The following CTNNA2 variants were observed in gnomAD, a reference collection of about 807,000 sequenced individuals.
CTNNA2 encodes the protein catenin alpha 2, also known as catenin alpha-2.
CTNNA2 carries 42 observed loss-of-function variants against 101.0 expected under a neutral mutation model. The ratio of observed to expected loss-of-function variants is 0.42; its 90% CI spans 0.32 to 0.54. CTNNA2 has a LOEUF of 0.54. CTNNA2 is among the 20% of genes least tolerant of loss of function. The probability of loss-of-function intolerance (pLI) is 0.14; values close to 1 mark genes in which losing one functional copy is unlikely to be tolerated. For synonymous variants in CTNNA2, 450 were observed against 456.4 expected (o/e 0.99, Z 0.18); for missense variants, 871 against 1,223.1 (o/e 0.71, Z 4.29).
chr2:80,155,191 T>C lies in CTNNA2; in HGVS notation c.1057-238020T>C, dbSNP rs531766510. ...TGTGATTAGAAAAGAAACAATCTCT[T>C]GGACCCCTATAATGGTCTTAAGAAA... On this transcript the variant is annotated intron_variant, in intron 7 of 18. Coordinates refer to ENST00000402739, the MANE Select transcript of CTNNA2 (RefSeq NM_001282597.3). Among the ~76,000 whole-genome samples, 4 of 152,328 alleles carry C rather than the reference T, an allele frequency of 2.6e-5. No individual in the cohort carries two copies. The South Asian group carries it at 8.3e-4, about 32-fold the overall frequency.
intron 3 of CTNNA2, among the ~76,000 whole-genome samples, chr2:79,819,766 C>G (rs1677859821): frequency 6.6e-6 from 1 of 151,834 alleles, no homozygotes; most frequent in South Asian, 2.1e-4. Flanking sequence ...ATTGATTGTA[C>G]ATATTGTATA....
At chr2:79,555,879 C>CA (rs1320463957) in intron 1 of CTNNA2, among the ~76,000 whole-genome samples, 5 of 152,012 alleles carry the variant, frequency 3.3e-5, no homozygotes, top group African/African-American at 1.2e-4. Flanking sequence ...TTGTTGTTGA[C>CA]AGTTTTGAGG....
At chr2:79,222,177 C>T (rs1674353207) in intron 2 of CTNNA2, among the ~76,000 whole-genome samples, 2 of 152,168 alleles carry the variant, frequency 1.3e-5, no homozygotes, top group African/African-American at 4.8e-5. Context: ...AACACAAATG[C>T]CTCGAGACAC....
At chr2:79,764,486 G>A (rs901691626) in intron 3 of CTNNA2, among the ~76,000 whole-genome samples, 2 of 152,026 alleles carry the variant, frequency 1.3e-5, no homozygotes, top group African/African-American at 4.8e-5. Context: ...GAAAACTATA[G>A]GCCAAAAAAT....
chr2:80,176,106 A>G (rs1048319067), intron 7 of CTNNA2, among the ~76,000 whole-genome samples: 2 of 152,200 alleles, frequency 1.3e-5, no homozygotes, highest in Non-Finnish European at 2.9e-5. Context: ...CTTTGCATCC[A>G]ATGAAGTTGA....
chr2:80,005,858 C>T (rs1478991262), intron 7 of CTNNA2, among the ~76,000 whole-genome samples: 4 of 151,402 alleles, frequency 2.6e-5, no homozygotes, highest in Non-Finnish European at 5.9e-5. Flanking sequence ...GGTGGAACAT[C>T]TGGAGTGTAA....
chr2:80,261,374 G>C (rs951353208), intron 7 of CTNNA2, among the ~76,000 whole-genome samples: 1 of 151,864 alleles, frequency 6.6e-6, no homozygotes, highest in Non-Finnish European at 1.5e-5. Flanking sequence ...GCTGGCTTAG[G>C]TTGTAGGTTA....
At chr2:80,457,132 C>T (rs1030037890) in intron 9 of CTNNA2, among the ~76,000 whole-genome samples, 1 of 151,766 alleles carries the variant, frequency 6.6e-6, no homozygotes, top group Non-Finnish European at 1.5e-5. Context: ...GCGGTGATCT[C>T]GACTCACTGC....
chr2:80,151,898 C>G (rs1000054459), intron 7 of CTNNA2, among the ~76,000 whole-genome samples: 10 of 152,238 alleles, frequency 6.6e-5, no homozygotes, highest in African/African-American at 2.4e-4. Flanking sequence ...CTGCTGCCAT[C>G]GCCAAAATTA....
At chr2:79,803,452 T>G (rs1676323525) in intron 3 of CTNNA2, among the ~76,000 whole-genome samples, 1 of 152,332 alleles carries the variant, frequency 6.6e-6, no homozygotes, top group South Asian at 2.1e-4. Context: ...TTATGGGAAA[T>G]GAAGGGATGG....
At chr2:80,352,263 TA>T (rs964953988) in intron 7 of CTNNA2, among the ~76,000 whole-genome samples, 2 of 151,920 alleles carry the variant, frequency 1.3e-5, no homozygotes, top group Admixed American at 6.6e-5. Context: ...AATAAAACAA[TA>T]AAAAAAAGTG....
chr2:80,470,729 A>G (rs529389185), intron 9 of CTNNA2, among the ~76,000 whole-genome samples: 1 of 152,306 alleles, frequency 6.6e-6, no homozygotes, highest in East Asian at 1.9e-4. Context: ...AACCTGAGGA[A>G]TAGAGAAAGC....
At chr2:80,169,116 TC>T (rs1208383669) in intron 7 of CTNNA2, among the ~76,000 whole-genome samples, 1 of 152,210 alleles carries the variant, frequency 6.6e-6, no homozygotes, top group Non-Finnish European at 1.5e-5. Context: ...AAACTGACTA[TC>T]CAAATAGCTC....
chr2:80,000,526 A>G (rs1692870658), intron 7 of CTNNA2, among the ~76,000 whole-genome samples: 2 of 152,150 alleles, frequency 1.3e-5, no homozygotes, highest in African/African-American at 4.8e-5. Flanking sequence ...AATTTCTGAT[A>G]GCTTTTGCCT....
intron 4 of CTNNA2, among the ~76,000 whole-genome samples, chr2:79,413,744 A>G (rs550373426): frequency 6.6e-6 from 1 of 151,882 alleles, no homozygotes; most frequent in African/African-American, 2.4e-5. Flanking sequence ...CATATTTTTG[A>G]TAATAGCTGG....
intron 2 of CTNNA2, among the ~76,000 whole-genome samples, chr2:79,730,335 T>C (rs1429436207): frequency 6.6e-6 from 1 of 152,110 alleles, no homozygotes; most frequent in Non-Finnish European, 1.5e-5. Flanking sequence ...GCATTATTAA[T>C]CATGGTTTAT....
At chr2:79,556,758 A>G (rs1674473000) in intron 1 of CTNNA2, among the ~76,000 whole-genome samples, 1 of 152,012 alleles carries the variant, frequency 6.6e-6, no homozygotes, top group East Asian at 1.9e-4. Flanking sequence ...CTAATTATTT[A>G]TGTAACCTCT....
At chr2:80,064,464 C>T (rs542314659) in intron 7 of CTNNA2, among the ~76,000 whole-genome samples, 2 of 152,256 alleles carry the variant, frequency 1.3e-5, no homozygotes, top group South Asian at 4.2e-4. Flanking sequence ...TATATTAGCT[C>T]ATGTTTTATT....
At chr2:80,108,801 G>A (rs115362486) in intron 7 of CTNNA2, among the ~76,000 whole-genome samples, 32 of 152,270 alleles carry the variant, frequency 2.1e-4, no homozygotes, top group African/African-American at 6.3e-4. Flanking sequence ...TGTCTACTCC[G>A]TGTAGCTGTT....
Sources: gnomAD v4.1 joint callset for allele counts (sites outside exome capture counted in the v4.1 genomes callset) on GRCh38, gnomAD v4.1.1 for gene constraint, MANE v1.5 for transcripts, NCBI Gene and HGNC (gene_info 2026-07-23, HGNC 2026-07-21) for gene names.